LIMCH1: variants seen among roughly 807,000 people sequenced by gnomAD.
The protein encoded by LIMCH1 is LIM and calponin homology domains-containing protein 1.
LIMCH1 carries 113 observed loss-of-function variants against 176.5 expected under a neutral mutation model. The observed-to-expected ratio is 0.64, with a 90% CI of 0.55 to 0.75. The LOEUF is 0.75. LIMCH1 is among the 30% of genes least tolerant of loss of function. The pLI, the probability that LIMCH1 is intolerant of heterozygous loss-of-function variation, is 0.00. For missense variants in LIMCH1, 1,674 were observed against 1,814.9 expected (o/e 0.92, Z 1.41); for synonymous variants, 619 against 645.9 (o/e 0.96, Z 0.63).
intron 1 of LIMCH1, among the ~76,000 whole-genome samples, chr4:41,404,285 C>T (rs2058743866): frequency 6.6e-6 from 1 of 151,516 alleles, no homozygotes. Flanking sequence ...GCAAGTCTTA[C>T]AGCAATGCCC....
chr4:41,597,402 C>T (rs1561870114), intron 1 of LIMCH1, among the ~76,000 whole-genome samples: 3 of 152,126 alleles, frequency 2.0e-5, no homozygotes. Flanking sequence ...AGGTTAGCAA[C>T]TTATTGCTAT....
At chr4:41,692,951 A>G (rs1429020776) in intron 31 of LIMCH1, 1 of 152,308 alleles carries the variant, frequency 6.6e-6, no homozygotes, top group African/African-American at 2.4e-5. Context: ...TATGCGCTTA[A>G]CAAATTATTT....
intron 1 of LIMCH1, among the ~76,000 whole-genome samples, chr4:41,371,400 A>C (rs1393381008): frequency 6.6e-6 from 1 of 152,186 alleles, no homozygotes; most frequent in African/African-American, 2.4e-5. Context: ...ATGAACCATC[A>C]TCAGTGGGTG....
chr4:41,497,140 G>T (rs781688661), intron 2 of LIMCH1, among the ~76,000 whole-genome samples: 23 of 152,144 alleles, frequency 1.5e-4, no homozygotes, highest in Non-Finnish European at 2.6e-4. Context: ...TGGTATCTTG[G>T]AACAGTGTTA....
rs561576617 is a variant in LIMCH1, at chr4:41,589,486, A to G, written c.-240-9434A>G. Among the ~76,000 whole-genome samples the G allele has an allele frequency of 1.8e-3, 278 of 152,238 alleles. 1 individual carries two copies. The highest frequency in any genetic ancestry group is 3.4e-3 in the Middle Eastern group (1 of 294). ...TTAGAAGAGAAACCTGGGACAGAGA[A>G]GGGTTAGGTTATTCAGCCAGGAAGG... is the stretch of plus-strand genomic sequence containing the variant. On this transcript the variant is annotated intron_variant, in intron 1 of 31. Transcript: ENST00000503057.
At chr4:41,502,264 G>A (rs1479676436) in intron 2 of LIMCH1, among the ~76,000 whole-genome samples, 1 of 152,092 alleles carries the variant, frequency 6.6e-6, no homozygotes, top group Non-Finnish European at 1.5e-5. Context: ...TGGCTGCATA[G>A]TATTCCATGG....
chr4:41,433,995 C>T (rs1454167838), intron 1 of LIMCH1, among the ~76,000 whole-genome samples: 2 of 152,138 alleles, frequency 1.3e-5, no homozygotes, highest in Non-Finnish European at 2.9e-5. Context: ...GGGTTCTGGA[C>T]AGACACTGCT....
rs73811190 is a variant in LIMCH1, at chr4:41,377,946, T to A, written c.96+17010T>A. Among the ~76,000 whole-genome samples, 984 of 152,314 alleles carry A rather than the reference T, an allele frequency of 6.5e-3. 8 individuals are homozygous for A. The highest frequency in any genetic ancestry group is 0.023 in the African/African-American group (937 of 41,558). ...AAATCACCTCCCAAAGGTTCTATTT[T>A]TCAACACTGCTGCACTGGGGACCAA... On this transcript the variant is annotated intron_variant, in intron 1 of 26. Transcript: ENST00000313860.
intron 18 of LIMCH1, among the ~76,000 whole-genome samples, chr4:41,659,583 A>ACAT (rs1237913608): frequency 6.6e-6 from 1 of 152,174 alleles, no homozygotes; most frequent in Non-Finnish European, 1.5e-5. Context: ...TATACTTATG[A>ACAT]GAGACGAATA....
intron 1 of LIMCH1, among the ~76,000 whole-genome samples, chr4:41,451,531 T>C (rs1339956339): frequency 6.6e-6 from 1 of 152,212 alleles, no homozygotes; most frequent in Non-Finnish European, 1.5e-5. Context: ...TTGAGAGTCT[T>C]TCCCACCCCC....
intron 14 of LIMCH1, among the ~76,000 whole-genome samples, chr4:41,639,360 A>C (rs2093726784): frequency 1.3e-5 from 2 of 152,206 alleles, no homozygotes; most frequent in South Asian, 4.1e-4. Flanking sequence ...AGTCATTCCC[A>C]TAGTCTCATT....
In LIMCH1 at chr4:41,468,739, G is replaced by A. The variant is rs183216031; in HGVS notation, c.97-25797G>A. ...TGTCATTCAGGTAAGATCAAAGGTGGTGATCACACTTTGGCCACCTTTGAG... is the reference window on the plus strand; with the variant it reads ...TGTCATTCAGGTAAGATCAAAGGTGATGATCACACTTTGGCCACCTTTGAG... On this transcript the variant is annotated intron_variant, in intron 1 of 26. Transcript: ENST00000313860. Among the ~76,000 whole-genome samples, 9 of 152,158 alleles carry A rather than the reference G, an allele frequency of 5.9e-5. No homozygotes were observed. In the East Asian group the frequency reaches 1.6e-3, roughly 26 times the overall value.
intron 1 of LIMCH1, among the ~76,000 whole-genome samples, chr4:41,393,695 G>A (rs1026375795): frequency 2.6e-5 from 4 of 152,038 alleles, no homozygotes; most frequent in African/African-American, 9.7e-5. Flanking sequence ...TGGCTTTAAA[G>A]ACATATAACA....
At chr4:41,507,127 C>G (rs2074278097) in intron 2 of LIMCH1, among the ~76,000 whole-genome samples, 1 of 152,154 alleles carries the variant, frequency 6.6e-6, no homozygotes, top group African/African-American at 2.4e-5. Context: ...ACATGAACAG[C>G]CAAATGGAAG....
intron 2 of LIMCH1, 158 bp downstream of exon 2, chr4:41,599,184 C>A: frequency 1.8e-6 from 1 of 567,658 alleles, no homozygotes; most frequent in Non-Finnish European, 3.2e-6. Context: ...CTCACATTGA[C>A]TTTCCCTCTG....
chr4:41,412,877 T>C (rs2059611488), intron 1 of LIMCH1, among the ~76,000 whole-genome samples: 1 of 152,204 alleles, frequency 6.6e-6, no homozygotes, highest in Non-Finnish European at 1.5e-5. Flanking sequence ...GTGATATCAC[T>C]GACTTTGCAC....
chr4:41,684,467 G>A lies in LIMCH1; in HGVS notation c.3916G>A (p.Asp1306Asn). The A allele has an allele frequency of 6.2e-7, 1 of 1,613,736 alleles. No homozygotes were observed. The highest frequency in any genetic ancestry group is 8.5e-7 in the Non-Finnish European group (1 of 1,179,816). ...SKGVHEDHQL[D>N]TEAGAPHCGT... ...AGGAGTCCATGAAGACCATCAGCTG[G>A]ATACCGAGGCTGGGGCCCCACACTG... Residue 1306 changes from aspartate (D) to asparagine (N), a missense_variant, in exon 27 of 32, where the codon GAT becomes AAT. Asp to Asn is a conservative substitution (Grantham distance 23). Around this residue, in one of 3 missense-constraint regions of LIMCH1, gnomAD observed 1,015 missense variants for 1,102.5 expected, o/e 0.92. Coordinates refer to ENST00000503057, the MANE Select transcript of LIMCH1 (RefSeq NM_001330672.2).
At chr4:41,409,489 T>C (rs965414386) in intron 1 of LIMCH1, among the ~76,000 whole-genome samples, 2 of 152,320 alleles carry the variant, frequency 1.3e-5, no homozygotes, top group African/African-American at 4.8e-5. Context: ...TAGTAATAGC[T>C]TGACATTGGG....
chr4:41,414,056 AAGATT>A (rs1338153202), intron 1 of LIMCH1, among the ~76,000 whole-genome samples: 1 of 152,234 alleles, frequency 6.6e-6, no homozygotes, highest in Non-Finnish European at 1.5e-5. Context: ...TACATGAGAA[AAGATT>A]AGATTACAGA....
Sources: allele counts gnomAD v4.1 joint callset (sites outside exome capture counted in the v4.1 genomes callset), GRCh38; gene constraint gnomAD v4.1.1; regional missense constraint gnomAD v4.1.1; transcripts MANE v1.5; gene names NCBI Gene and HGNC (gene_info 2026-07-23, HGNC 2026-07-21).